The following KDM1B variants were observed in gnomAD, a reference collection of about 807,000 sequenced individuals.
KDM1B encodes the protein lysine demethylase 1B, also known as lysine-specific histone demethylase 2.
A neutral mutation model predicts 107.4 loss-of-function variants in KDM1B; 63 were observed. The ratio of observed to expected loss-of-function variants is 0.59; its 90% CI spans 0.48 to 0.72. The LOEUF is 0.72. KDM1B is among the 30% of genes least tolerant of loss of function. The pLI, the probability that KDM1B is intolerant of heterozygous loss-of-function variation, is 0.00. For missense variants in KDM1B, 749 were observed against 1,020.8 expected, an observed-to-expected ratio of 0.73 and a Z score of 3.63; for synonymous variants, 363 against 363.9, an observed-to-expected ratio of 1.00 and a Z score of 0.03.
intron 17 of KDM1B, among the ~76,000 whole-genome samples, chr6:18,210,860 A>G (rs1788809193): frequency 1.3e-5 from 2 of 152,030 alleles, no homozygotes; most frequent in African/African-American, 4.8e-5. Flanking sequence ...TTATCTGGGC[A>G]TCGTGCTGCA....
chr6:18,173,986 A>C, intron 7 of KDM1B, among the ~76,000 whole-genome samples: 1 of 152,094 alleles, frequency 6.6e-6, no homozygotes, highest in East Asian at 1.9e-4. Flanking sequence ...GGGTTTCACC[A>C]TGTTGGCCAG....
chr6:18,198,334 G>A (rs905703807), intron 12 of KDM1B, among the ~76,000 whole-genome samples: 10 of 151,720 alleles, frequency 6.6e-5, no homozygotes, highest in African/African-American at 2.4e-4. Context: ...GAAATACTCA[G>A]TTCTAAGTTT....
At chr6:18,194,699 A>G (rs1238538608) in intron 10 of KDM1B, among the ~76,000 whole-genome samples, 5 of 151,850 alleles carry the variant, frequency 3.3e-5, no homozygotes, top group East Asian at 1.9e-4. Context: ...AGGTCTTGCT[A>G]TGTTGCACAG....
chr6:18,197,189 A>G lies in KDM1B; in HGVS notation c.1102A>G (p.Ser368Gly), dbSNP rs780081700. 1.7e-5 allele frequency: 28 copies of G among 1,614,086 alleles called. No individual in the cohort carries two copies. The South Asian group carries it at 2.5e-4, about 15-fold the overall frequency. The change falls in exon 11 of 22, where the codon AGC (serine) becomes GGC (glycine). Residue 368 changes from serine (S) to glycine (G), a missense_variant. Ser to Gly is a moderately conservative substitution (Grantham distance 56). Transcript: ENST00000650836. The surrounding 1 kb of genome is among the most constrained non-coding windows in gnomAD (Gnocchi z 4.5). ...AGGTCTCATCAACACTGGAGTTCTC[A>G]GCGTGGGAGCCGACCAGTATCTTCT... is the stretch of plus-strand genomic sequence containing the variant. ...RKGLINTGVL[S>G]VGADQYLLPK...
At chr6:18,202,806 A>G (rs563398584) in intron 14 of KDM1B, among the ~76,000 whole-genome samples, 1 of 152,260 alleles carries the variant, frequency 6.6e-6, no homozygotes, top group Non-Finnish European at 1.5e-5. Flanking sequence ...TCCTGTGGCA[A>G]CCCACCACCT....
chr6:18,175,489 A>G (rs956385973), intron 7 of KDM1B, among the ~76,000 whole-genome samples: 1 of 151,934 alleles, frequency 6.6e-6, no homozygotes, highest in Non-Finnish European at 1.5e-5. Context: ...TTAAAGTCCC[A>G]GTTATTTATC....
intron 7 of KDM1B, among the ~76,000 whole-genome samples, chr6:18,173,818 C>T (rs909509056): frequency 3.3e-5 from 5 of 152,042 alleles, no homozygotes; most frequent in Admixed American, 1.3e-4. Context: ...TGGAGTCTTG[C>T]TCTGTTGCCC....
chr6:18,185,665 C>T, intron 7 of KDM1B, 107 bp from the exon 8 acceptor site: 1 of 1,029,806 alleles, frequency 9.7e-7, no homozygotes. Flanking sequence ...AAATGCTTTT[C>T]TTTGCCAGCC....
intron 10 of KDM1B, among the ~76,000 whole-genome samples, chr6:18,193,929 A>C (rs1787466982): frequency 6.6e-6 from 1 of 151,826 alleles, no homozygotes; most frequent in Admixed American, 6.6e-5. Flanking sequence ...GCTGGAGTGC[A>C]ATGATGCGAT....
At chr6:18,180,170 GGAGCTGACAT>G (rs903223561) in intron 7 of KDM1B, among the ~76,000 whole-genome samples, 9 of 152,006 alleles carry the variant, frequency 5.9e-5, no homozygotes, top group Admixed American at 1.3e-4. Flanking sequence ...AAAATGGGAA[GGAGCTGACAT>G]GAGGGCGTGG....
rs1786976245 is a variant in KDM1B, at chr6:18,187,815, T to A, written c.597T>A (p.His199Gln). The change falls in exon 9 of 22, where the codon CAT becomes CAA. Residue 199 changes from histidine (H) to glutamine (Q), a missense_variant. Physicochemically the swap from His to Gln is conservative, Grantham distance 24. Transcript: ENST00000650836. ...AGAGAGTATTGGAAGTTTCCAACCATTGGTGGTACTCTATGCTCATCCTAC... is the reference window on the plus strand; with the variant it reads ...AGAGAGTATTGGAAGTTTCCAACCAATGGTGGTACTCTATGCTCATCCTAC... ...EDLRVLEVSN[H>Q]WWYSMLILPP... is the part of the protein sequence containing the mutation. 6.5e-7 allele frequency: 1 copy of A among 1,549,926 alleles called. No homozygotes were observed. The highest frequency in any genetic ancestry group is 1.4e-5 in the African/African-American group (1 of 73,028).
At chr6:18,217,436 T>C (rs980086097) in intron 20 of KDM1B, among the ~76,000 whole-genome samples, 20 of 149,534 alleles carry the variant, frequency 1.3e-4, no homozygotes, top group South Asian at 4.3e-4. Context: ...TGGAGTGCAG[T>C]GGCGCGATCT....
At position 18,205,648 on chromosome 6, in the gene KDM1B, G is replaced by A; in HGVS notation, c.1643G>A (p.Gly548Asp). Residue 548 changes from glycine (G) to aspartate (D), a missense_variant, in exon 15 of 22, where the codon GGC becomes GAC. Physicochemically the swap from Gly to Asp is moderately conservative, Grantham distance 94 (BLOSUM62 -1). Coordinates refer to ENST00000650836, the MANE Select transcript of KDM1B (RefSeq NM_001364614.2). The surrounding 1 kb of genome is among the most constrained non-coding windows in gnomAD (Gnocchi z 5.7). ...CTCAGTAACCTGGAGTACGCCTGTGGCAGCAACCTTCACCAGGTGCGCTTG... is the reference window on the plus strand; with the variant it reads ...CTCAGTAACCTGGAGTACGCCTGTGACAGCAACCTTCACCAGGTGCGCTTG... The part of the protein sequence containing the change: ...FHLSNLEYAC[G>D]SNLHQVSARS... 3 of 1,522,058 alleles carry A rather than the reference G, an allele frequency of 2.0e-6. No individual in the cohort carries two copies. Among genetic ancestry groups the A allele is most frequent in the Non-Finnish European group, 2.6e-6 (3 of 1,136,252 alleles). 94.3% of individuals were successfully genotyped at this position (1,522,058 alleles called of 1,614,324 possible).
chr6:18,184,166 C>G (rs185623786), intron 7 of KDM1B, among the ~76,000 whole-genome samples: 36 of 152,058 alleles, frequency 2.4e-4, no homozygotes, highest in South Asian at 1.7e-3. Context: ...CCTAGAGTAA[C>G]TACCTACTTT....
intron 7 of KDM1B, among the ~76,000 whole-genome samples, chr6:18,174,350 A>G (rs913084790): frequency 2.0e-5 from 3 of 152,148 alleles, no homozygotes; most frequent in Admixed American, 6.5e-5. Flanking sequence ...TTTTATTGGA[A>G]TGCATTGAAT....
chr6:18,223,059 T>C lies in KDM1B; in HGVS notation c.*1067T>C, dbSNP rs887807007. On this transcript the variant is annotated 3_prime_UTR_variant, in exon 22 of 22. Coordinates refer to ENST00000650836, the MANE Select transcript of KDM1B (RefSeq NM_001364614.2). ...TAAAAACACTCATGACAGAAAACAGTTTAATAATATCTCATTCTAAAATAA... is the reference window on the plus strand; with the variant it reads ...TAAAAACACTCATGACAGAAAACAGCTTAATAATATCTCATTCTAAAATAA... The C allele has an allele frequency of 2.0e-5, 3 of 152,450 alleles. No individual in the cohort carries two copies. Among genetic ancestry groups the C allele is most frequent in the Non-Finnish European group, 4.4e-5 (3 of 67,992 alleles). 9.4% of individuals were successfully genotyped at this position (152,450 alleles called of 1,614,324 possible).
chr6:18,199,337 CA>C (rs1470671303), intron 12 of KDM1B, among the ~76,000 whole-genome samples: 4 of 152,124 alleles, frequency 2.6e-5, no homozygotes, highest in East Asian at 1.9e-4. Flanking sequence ...GCCCCATCCC[CA>C]AGTGATGGGG....
At chr6:18,167,847 C>T (rs149682588) in intron 6 of KDM1B, among the ~76,000 whole-genome samples, 11 of 152,048 alleles carry the variant, frequency 7.2e-5, no homozygotes, top group South Asian at 2.1e-4. Context: ...ACTGCAGCCT[C>T]GGTCTCCCAG....
intron 5 of KDM1B, among the ~76,000 whole-genome samples, chr6:18,163,925 A>G (rs889575402): frequency 2.0e-5 from 3 of 151,726 alleles, no homozygotes; most frequent in African/African-American, 7.3e-5. Flanking sequence ...AGTGTCAACT[A>G]GACCAAGTTG....
Sources: gnomAD v4.1 joint callset for allele counts (sites outside exome capture counted in the v4.1 genomes callset) on GRCh38, gnomAD v4.1.1 for gene constraint, Gnocchi (gnomAD v3.1) non-coding constraint, MANE v1.5 for transcripts, NCBI Gene and HGNC (gene_info 2026-07-23, HGNC 2026-07-21) for gene names.